Variants in COCH observed in about 807,000 individuals in gnomAD.
COCH encodes coagulation factor C homolog, cochlin (Limulus polyphemus).
Under a neutral mutation model 54.8 loss-of-function variants are expected in COCH, and 40 were observed. That is an observed-to-expected ratio of 0.73 (90% confidence interval 0.57 to 0.95). COCH has a LOEUF of 0.95. Ranked by LOEUF, COCH falls within the 40% of genes least tolerant of loss-of-function variation. The probability of loss-of-function intolerance (pLI) is 0.00; values close to 1 mark genes in which losing one functional copy is unlikely to be tolerated. For missense variants in COCH, 605 were observed against 675.0 expected, an observed-to-expected ratio of 0.90 and a Z score of 1.15; for synonymous variants, 256 against 237.9, an observed-to-expected ratio of 1.08 and a Z score of -0.70.
Position 30,887,657 on chromosome 14 carries a change from A to G in COCH, c.1477+1345A>G, listed in dbSNP as rs151032328. ...AATCAATGGACTTGTTTTTTTTAAC[A>G]CTCTTCTGTACCTCATTTTCCCTAC... is the stretch of plus-strand genomic sequence containing the variant. On this transcript the variant is annotated intron_variant, in intron 11 of 11. Transcript: ENST00000396618. Among the ~76,000 whole-genome samples the G allele has an allele frequency of 4.5e-3, 690 of 152,082 alleles. 5 individuals carry two copies. The highest frequency in any genetic ancestry group is 0.016 in the African/African-American group (667 of 41,490).
At position 30,886,063 on chromosome 14, in the gene COCH, C is replaced by T; in HGVS notation, c.1228C>T (p.Gln410Ter). ...CATTGGTGCCAAGATAGCTGCTGTA[C>T]AGTTTACTTATGATCAGCGCACGGA... ...SDIGAKIAAVQFTYDQRTEFS... is the reference protein window; with the variant it reads ...SDIGAKIAAV Residue 410 changes from glutamine (Q) to a stop codon, truncating the protein, a stop_gained, in exon 11 of 12, where the codon CAG becomes TAG. Coordinates refer to ENST00000396618, the MANE Select transcript of COCH (RefSeq NM_004086.3). LOFTEE classifies it high-confidence loss of function. The T allele has an allele frequency of 6.2e-7, 1 of 1,614,220 alleles. No homozygotes were observed. The highest frequency in any genetic ancestry group is 8.5e-7 in the Non-Finnish European group (1 of 1,180,040).
At position 30,890,306 on chromosome 14, in the gene COCH, A is replaced by C. The variant is rs2138900608; in HGVS notation, c.*515A>C. ...AGCTAGCTATTACTGCAGACTATAA[A>C]ATCTGGATATAGAAAGGAGACCTGT... On this transcript the variant is annotated 3_prime_UTR_variant, in exon 12 of 12. Coordinates refer to ENST00000396618, the MANE Select transcript of COCH (RefSeq NM_004086.3). The C allele has an allele frequency of 1.0e-6, 1 of 985,830 alleles. No individual in the cohort carries two copies. The highest frequency in any genetic ancestry group is 5.2e-4 in the Middle Eastern group (1 of 1,914). The allele number at this position is 985,830 out of a possible 1,614,324, so 61.1% of individuals were successfully genotyped here. A position where few individuals can be genotyped will look rare whatever the true frequency, so the allele number is the denominator to read the frequency against.
At position 30,880,571 on chromosome 14, in the gene COCH, G is replaced by A; in HGVS notation, c.482-16G>A. On this transcript the variant is annotated splice_polypyrimidine_tract_variant and intron_variant, in intron 7 of 11. Coordinates refer to ENST00000396618, the MANE Select transcript of COCH (RefSeq NM_004086.3). ...CTTGAGACTGCTAATGAGGGGACTG[G>A]TTTGGTTGTTCGCAGATTGTAAAGC... The A allele has an allele frequency of 6.2e-7, 1 of 1,614,168 alleles. No homozygotes were observed. Among genetic ancestry groups the A allele is most frequent in the Non-Finnish European group, 8.5e-7 (1 of 1,180,028 alleles).
rs1895385848 is a variant in COCH at position 30,877,103 on chromosome 14, C to T, written c.83-469C>T. On this transcript the variant is annotated intron_variant, in intron 3 of 11. Transcript: ENST00000396618. The surrounding 1 kb of genome is among the most constrained non-coding windows in gnomAD (Gnocchi z 8.6). ...GGATTATAGGCATGAGTCACCACGC[C>T]CAGCCAAGATTTTTTATATTTCTAT... is the stretch of plus-strand genomic sequence containing the variant. Among the ~76,000 whole-genome samples the T allele has an allele frequency of 6.6e-6, 1 of 152,034 alleles. No homozygotes were observed. Among genetic ancestry groups the T allele is most frequent in the Non-Finnish European group, 1.5e-5 (1 of 68,014 alleles).
chr14:30,885,736 T>C, intron 10 of COCH, 60 bp from the exon 11 acceptor site: 1 of 1,602,626 alleles, frequency 6.2e-7, no homozygotes, highest in Non-Finnish European at 8.5e-7. Flanking sequence ...GATTTTCCAG[T>C]TTTTAAGAAG....
intron 11 of COCH, 50 bp from the exon 12 acceptor site, chr14:30,889,566 A>G (rs1245292357): frequency 1.5e-5 from 23 of 1,506,018 alleles, no homozygotes; most frequent in South Asian, 3.4e-5. Flanking sequence ...ATAATTCCAT[A>G]TATTAGCTAG....
intron 9 of COCH, 51 bp downstream of exon 9, chr14:30,884,707 A>T: frequency 7.1e-7 from 1 of 1,405,754 alleles, no homozygotes; most frequent in Non-Finnish European, 1.0e-6. Context: ...GTTATCAGTG[A>T]TCAGACATGT....
downstream of COCH, among the ~76,000 whole-genome samples, chr14:30,892,219 A>G (rs139164889): frequency 7.6e-3 from 1,162 of 152,350 alleles, 13 homozygotes; most frequent in African/African-American, 0.026. Flanking sequence ...AATACTGCAG[A>G]GAAAAATACA....
chr14:30,890,393 AAG>A lies in COCH; in HGVS notation c.*607_*608del, dbSNP rs1461319996. The stretch of plus-strand genomic sequence containing the variant: ...TATGACTAAAAATATCACACTGAAT[AAG>A]AGAGCAGGATTGCCAGGTATTTTTC... On this transcript the variant is annotated 3_prime_UTR_variant, in exon 12 of 12. Transcript: ENST00000396618. The A allele has an allele frequency of 2.0e-6, 2 of 984,914 alleles. No homozygotes were observed. The highest frequency in any genetic ancestry group is 4.7e-5 in the South Asian group (1 of 21,272). 61.0% of individuals were successfully genotyped at this position (984,914 alleles called of 1,614,324 possible).
At chr14:30,887,774 A>C (rs1358416708) in intron 11 of COCH, among the ~76,000 whole-genome samples, 8 of 152,222 alleles carry the variant, frequency 5.3e-5, no homozygotes, top group East Asian at 1.9e-4. Flanking sequence ...ATGAAAGATT[A>C]TTCTTAAAAC....
chr14:30,884,857 T>G (rs1895727065), intron 9 of COCH: 1 of 1,492,492 alleles, frequency 6.7e-7, no homozygotes, highest in African/African-American at 1.4e-5. Flanking sequence ...ATTTCTTATT[T>G]TAAAAAATAT....
chr14:30,874,579 G>A lies in COCH; in HGVS notation c.-36G>A, dbSNP rs963069039. 7.6e-5 allele frequency: 34 copies of A among 449,714 alleles called. No homozygotes were observed. In the Admixed American group the frequency reaches 8.0e-4, roughly 11 times the overall value. 27.9% of individuals were successfully genotyped at this position (449,714 alleles called of 1,614,324 possible). ...CTTCCGCACTCGGGCGCAGCCGGGT[G>A]GATCTCGAGCAGGTGCGGAGCCCCG... is the stretch of plus-strand genomic sequence containing the variant. On this transcript the variant is annotated 5_prime_UTR_variant, in exon 1 of 12. Coordinates refer to ENST00000396618, the MANE Select transcript of COCH (RefSeq NM_004086.3).
intron 8 of COCH, among the ~76,000 whole-genome samples, chr14:30,882,647 A>G (rs939614378): frequency 1.3e-5 from 2 of 152,186 alleles, no homozygotes; most frequent in African/African-American, 4.8e-5. Context: ...GAACATCCTT[A>G]TATCATCTTT....
At chr14:30,891,567 C>T (rs1895983036), downstream of COCH, among the ~76,000 whole-genome samples, 1 of 152,102 alleles carries the variant, frequency 6.6e-6, no homozygotes, top group African/African-American at 2.4e-5. Context: ...TCAAACATGA[C>T]TGAATCATGT....
intron 8 of COCH, 42 bp from the exon 9 acceptor site, chr14:30,884,511 T>A: frequency 7.2e-7 from 1 of 1,392,842 alleles, no homozygotes; most frequent in Non-Finnish European, 1.0e-6. Context: ...TTATTTTACC[T>A]TTTTAATTCT....
At chr14:30,891,565 G>A (rs556551681), downstream of COCH, among the ~76,000 whole-genome samples, 1 of 152,290 alleles carries the variant, frequency 6.6e-6, no homozygotes, top group East Asian at 1.9e-4. Flanking sequence ...CTTCAAACAT[G>A]ACTGAATCAT....
Position 30,879,436 on chromosome 14 carries a change from T to G in COCH, c.387T>G (p.Ser129Arg). ...TTATTTTAACAGAAGGCAAAAGTAG[T>G]ACACAGGAGGCCACAGGACAAGCAG... ...ASFTVTKGKSSTQEATGQAVS... is the reference protein window; with the variant it reads ...ASFTVTKGKSRTQEATGQAVS... Residue 129 changes from serine (S) to arginine (R), a missense_variant, in exon 6 of 12, where the codon AGT becomes AGG. Coordinates refer to ENST00000396618, the MANE Select transcript of COCH (RefSeq NM_004086.3). 6.2e-7 allele frequency: 1 copy of G among 1,614,040 alleles called. No individual in the cohort carries two copies. Among genetic ancestry groups the G allele is most frequent in the Non-Finnish European group, 8.5e-7 (1 of 1,179,960 alleles).
At position 30,877,417 on chromosome 14, in the gene COCH, A is replaced by G; in HGVS notation, c.83-155A>G. 1.1e-6 allele frequency: 1 copy of G among 928,772 alleles called. No homozygotes were observed. Among genetic ancestry groups the G allele is most frequent in the Non-Finnish European group, 1.6e-6 (1 of 624,212 alleles). 57.5% of individuals were successfully genotyped at this position (928,772 alleles called of 1,614,324 possible). A position where few individuals can be genotyped will look rare whatever the true frequency, so the allele number is the denominator to read the frequency against. ...GAAAACAACCTTGTGGCTTGCCAAA[A>G]TCTGGAATGGTATGGAAGGGTATAT... On this transcript the variant is annotated intron_variant, in intron 3 of 11. Coordinates refer to ENST00000396618, the MANE Select transcript of COCH (RefSeq NM_004086.3). The surrounding 1 kb of genome is among the most constrained non-coding windows in gnomAD (Gnocchi z 8.6).
chr14:30,894,197 AT>A (rs1896067058), downstream of COCH: 2 of 152,412 alleles, frequency 1.3e-5, no homozygotes, highest in African/African-American at 4.8e-5. Context: ...TGATTCAACT[AT>A]TTTTGTATCC....
Sources: gnomAD v4.1 joint callset for allele counts (sites outside exome capture counted in the v4.1 genomes callset) on GRCh38, gnomAD v4.1.1 for gene constraint, Gnocchi (gnomAD v3.1) non-coding constraint, MANE v1.5 for transcripts, NCBI Gene and HGNC (gene_info 2026-07-23, HGNC 2026-07-21) for gene names.